Variants in SGK1 observed in about 807,000 individuals in gnomAD.
SGK1 encodes the protein serine/threonine-protein kinase Sgk1.
A neutral mutation model predicts 64.2 loss-of-function variants in SGK1; 26 were observed. The observed-to-expected ratio is 0.40, with a 90% CI of 0.30 to 0.56. The LOEUF (loss-of-function observed/expected upper bound fraction) is 0.56. Ranked by LOEUF, SGK1 falls within the 20% of genes least tolerant of loss-of-function variation. SGK1 has a pLI of 0.38. For missense variants in SGK1, 519 were observed against 645.6 expected (o/e 0.80, Z 2.12); for synonymous variants, 265 against 239.7 (o/e 1.11, Z -0.98).
At chr6:134,286,482 T>TC (rs1415781008) in intron 1 of SGK1, among the ~76,000 whole-genome samples, 1 of 149,340 alleles carries the variant, frequency 6.7e-6, no homozygotes, top group African/African-American at 2.4e-5. Context: ...TACAATATTT[T>TC]TTTTTTTTTT....
At chr6:134,307,775 G>T (rs1777555448) in intron 1 of SGK1, among the ~76,000 whole-genome samples, 1 of 152,178 alleles carries the variant, frequency 6.6e-6, no homozygotes, top group Non-Finnish European at 1.5e-5. Flanking sequence ...CCTGGAAGCA[G>T]TTAAAATCAC....
intron 3 of SGK1, among the ~76,000 whole-genome samples, chr6:134,181,692 C>G (rs1008561783): frequency 1.1e-4 from 16 of 152,080 alleles, no homozygotes; most frequent in African/African-American, 3.4e-4. Context: ...AAGGAGGCAA[C>G]AGAAGCTCGG....
intron 2 of SGK1, chr6:134,215,055 T>G: frequency 2.2e-6 from 1 of 456,062 alleles, no homozygotes; most frequent in Non-Finnish European, 4.4e-6. Context: ...AATATCACAT[T>G]TAGGGAGATG....
chr6:134,228,425 T>C lies in SGK1; in HGVS notation c.286-20994A>G, dbSNP rs550653545. Among the ~76,000 whole-genome samples the C allele has an allele frequency of 3.6e-3, 547 of 152,214 alleles. 9 individuals carry two copies. Among genetic ancestry groups the C allele is most frequent in the African/African-American group, 0.013 (528 of 41,534 alleles). The stretch of plus-strand genomic sequence containing the variant: ...AAATTTTCATTTCTAGAACATAACA[T>C]TGAAAAAAGGTAAGAGGGGCATAGA... On this transcript the variant is annotated intron_variant, in intron 2 of 13. Transcript: ENST00000367858.
chr6:134,183,645 G>A (rs940201835), intron 3 of SGK1, among the ~76,000 whole-genome samples: 2 of 152,054 alleles, frequency 1.3e-5, no homozygotes, highest in Non-Finnish European at 2.9e-5. Context: ...CCTTGGGCAC[G>A]TTTGATCATT....
At chr6:134,177,575 C>T (rs931118180) in intron 3 of SGK1, 13 of 977,398 alleles carry the variant, frequency 1.3e-5, no homozygotes, top group African/African-American at 1.1e-4. Flanking sequence ...GAGACCCTCT[C>T]CTACACCCCA....
intron 1 of SGK1, chr6:134,297,954 T>C: frequency 1.2e-6 from 1 of 808,568 alleles, no homozygotes; most frequent in Non-Finnish European, 2.2e-6. Flanking sequence ...GATGATGCCG[T>C]CCATGTCCGG....
At chr6:134,273,017 C>T (rs575389946) in intron 1 of SGK1, among the ~76,000 whole-genome samples, 9 of 148,322 alleles carry the variant, frequency 6.1e-5, no homozygotes, top group Admixed American at 4.1e-4. Flanking sequence ...TTCAGAGGGG[C>T]TGATACATGA....
chr6:134,188,099 T>C (rs571549623), intron 3 of SGK1, among the ~76,000 whole-genome samples: 33 of 152,274 alleles, frequency 2.2e-4, no homozygotes, highest in African/African-American at 7.0e-4. Flanking sequence ...GCAAGAGTAG[T>C]TGGGGAAAGG....
chr6:134,258,811 AAAAAT>A (rs144441175), intron 2 of SGK1, among the ~76,000 whole-genome samples: 1 of 151,936 alleles, frequency 6.6e-6, no homozygotes, highest in Non-Finnish European at 1.5e-5. Context: ...TGTCTCCACA[AAAAAT>A]AAAATAAAAT....
At chr6:134,273,400 C>T (rs1298009501) in intron 1 of SGK1, among the ~76,000 whole-genome samples, 6 of 146,288 alleles carry the variant, frequency 4.1e-5, no homozygotes, top group Non-Finnish European at 9.0e-5. Context: ...ACCATCCCGG[C>T]TAAAACGGTG....
intron 3 of SGK1, chr6:134,174,842 C>G (rs375512444): frequency 1.2e-6 from 2 of 1,613,312 alleles, no homozygotes; most frequent in East Asian, 4.5e-5. Flanking sequence ...CGTTAGCGCT[C>G]AAAGACCGGC....
intron 2 of SGK1, among the ~76,000 whole-genome samples, chr6:134,238,634 C>T (rs978855941): frequency 1.3e-5 from 2 of 151,874 alleles, no homozygotes; most frequent in African/African-American, 4.8e-5. Context: ...ATGGTTCCAA[C>T]ATACAAGCAT....
rs939619067 is a variant in SGK1, at chr6:134,256,731, A to G, written c.285+5202T>C. Among the ~76,000 whole-genome samples, 10 of 152,228 alleles carry G rather than the reference A, an allele frequency of 6.6e-5. 1 individual carries two copies. The highest frequency in any genetic ancestry group is 5.9e-4 in the Admixed American group (9 of 15,300). ...ACAGCTTACACAGCTCTAAGTTATC[A>G]TCTTTCCCACCTCATTCCCAGGAAG... On this transcript the variant is annotated intron_variant, in intron 2 of 13. Transcript: ENST00000367858.
chr6:134,291,397 T>A (rs1777262576), intron 1 of SGK1, among the ~76,000 whole-genome samples: 1 of 152,160 alleles, frequency 6.6e-6, no homozygotes. Context: ...AAACCCAAAC[T>A]AAGTTGTTAT....
intron 1 of SGK1, among the ~76,000 whole-genome samples, chr6:134,291,776 T>C (rs1777268757): frequency 6.6e-6 from 1 of 152,188 alleles, no homozygotes; most frequent in South Asian, 2.1e-4. Context: ...AAACTACATT[T>C]GTGGCCAGGC....
intron 1 of SGK1, among the ~76,000 whole-genome samples, chr6:134,278,525 A>G (rs2114767185): frequency 6.6e-6 from 1 of 152,232 alleles, no homozygotes; most frequent in South Asian, 2.1e-4. Flanking sequence ...TGCACAGTAC[A>G]CTCAATTTCA....
chr6:134,172,778 C>G lies in SGK1; in HGVS notation c.835-4G>C. ...CCCTCTGGAGATGGTAGAACAACTGCAGGAGACAGAACAAAGTCATTCTGG... is the reference window on the plus strand; with the variant it reads ...CCCTCTGGAGATGGTAGAACAACTGGAGGAGACAGAACAAAGTCATTCTGG... On this transcript the variant is annotated splice_polypyrimidine_tract_variant and splice_region_variant and intron_variant, in intron 8 of 13. Transcript: ENST00000367858. 1 of 1,597,044 alleles carries G rather than the reference C, an allele frequency of 6.3e-7. No individual in the cohort carries two copies. Among genetic ancestry groups the G allele is most frequent in the Non-Finnish European group, 8.6e-7 (1 of 1,164,492 alleles).
chr6:134,261,969 G>C lies in SGK1; in HGVS notation c.249C>G (p.Asn83Lys). Reference protein sequence around the residue: ...AFQRGVLPQENESCSWETQSG... With the variant: ...AFQRGVLPQEKESCSWETQSG... Reference sequence around the variant, plus strand: ...ATTGAGTTTCCCATGAACATGACTCGTTCTCCTGAGGGAGAACCCCTCTTT... The same window carrying C: ...ATTGAGTTTCCCATGAACATGACTCCTTCTCCTGAGGGAGAACCCCTCTTT... Residue 83 changes from asparagine (N) to lysine (K), a missense_variant, in exon 2 of 14, where the codon AAC (asparagine) becomes AAG (lysine). Transcript: ENST00000367858. 1.2e-6 allele frequency: 2 copies of C among 1,613,608 alleles called. No homozygotes were observed. The highest frequency in any genetic ancestry group is 1.7e-6 in the Non-Finnish European group (2 of 1,179,604).
Sources: gnomAD v4.1 joint callset for allele counts (sites outside exome capture counted in the v4.1 genomes callset) on GRCh38, gnomAD v4.1.1 for gene constraint, MANE v1.5 for transcripts, NCBI Gene and HGNC (gene_info 2026-07-23, HGNC 2026-07-21) for gene names.